The following ZNRF2 variants were observed in gnomAD, a reference collection of about 807,000 sequenced individuals.
ZNRF2 encodes the protein E3 ubiquitin-protein ligase ZNRF2.
In ZNRF2, 16 loss-of-function variants were observed where a neutral mutation model predicts 20.4. That is an observed-to-expected ratio of 0.79 (90% CI 0.53 to 1.19). The LOEUF (loss-of-function observed/expected upper bound fraction) is 1.19, where lower values mean the gene tolerates loss of function less well. ZNRF2 is among the 50% of genes most tolerant of loss of function. The probability of loss-of-function intolerance (pLI) is 0.00; values close to 1 mark genes in which losing one functional copy is unlikely to be tolerated. For synonymous variants in ZNRF2, 178 were observed against 144.9 expected (o/e 1.23, Z -1.64); for missense variants, 363 against 332.4 (o/e 1.09, Z -0.72).
chr7:30,295,555 C>T (rs879174810), intron 1 of ZNRF2, among the ~76,000 whole-genome samples: 1 of 152,086 alleles, frequency 6.6e-6, no homozygotes, highest in Non-Finnish European at 1.5e-5. Context: ...ACCAAAAATA[C>T]AAAAATTAGC....
Position 30,315,029 on chromosome 7 carries a change from G to A in ZNRF2, c.470-8613G>A, listed in dbSNP as rs1799348363. On this transcript the variant is annotated intron_variant, in intron 1 of 4. Coordinates refer to ENST00000323037, the MANE Select transcript of ZNRF2 (RefSeq NM_147128.4). Reference sequence around the variant, plus strand: ...GATGGGGTTTCACCATGTTAGCCAGGATGGTCTCGATCTCCTGACATTGTG... The same window carrying A: ...GATGGGGTTTCACCATGTTAGCCAGAATGGTCTCGATCTCCTGACATTGTG... Among the ~76,000 whole-genome samples the A allele has an allele frequency of 2.6e-5, 4 of 152,032 alleles. No individual in the cohort carries two copies. In the South Asian group the frequency reaches 8.3e-4, roughly 32 times the overall value.
chr7:30,286,587 A>AT (rs1235670751), intron 1 of ZNRF2, among the ~76,000 whole-genome samples: 1 of 152,226 alleles, frequency 6.6e-6, no homozygotes, highest in Non-Finnish European at 1.5e-5. Context: ...AAAAATGGAC[A>AT]TTTTTAATAG....
intron 1 of ZNRF2, among the ~76,000 whole-genome samples, chr7:30,319,475 T>C (rs1254546451): frequency 6.6e-6 from 1 of 152,216 alleles, no homozygotes; most frequent in Non-Finnish European, 1.5e-5. Context: ...TCACCTAGTC[T>C]GTATGTAATA....
chr7:30,343,980 C>T (rs192801788), intron 2 of ZNRF2, among the ~76,000 whole-genome samples: 81 of 139,764 alleles, frequency 5.8e-4, no homozygotes, highest in African/African-American at 2.0e-3. Flanking sequence ...AGTGCAGTGG[C>T]GCGATCTCGG....
At chr7:30,345,050 T>C (rs960020507) in intron 2 of ZNRF2, among the ~76,000 whole-genome samples, 2 of 152,170 alleles carry the variant, frequency 1.3e-5, no homozygotes, top group African/African-American at 4.8e-5. Flanking sequence ...GGGTTGAAAT[T>C]GTGTTGATTT....
At position 30,362,454 on chromosome 7, in the gene ZNRF2, T is replaced by C. The variant is rs74764872; in HGVS notation, c.*20T>C. ...GATTAAGCGTCAGCTTCCTGTTTTA[T>C]AGGTAATTTTTTTTGTAATTACTTT... On this transcript the variant is annotated splice_region_variant and 3_prime_UTR_variant, in exon 4 of 5. Coordinates refer to ENST00000323037, the MANE Select transcript of ZNRF2 (RefSeq NM_147128.4). 1.3e-6 allele frequency: 2 copies of C among 1,584,284 alleles called. No homozygotes were observed. Among genetic ancestry groups the C allele is most frequent in the East Asian group, 4.5e-5 (2 of 44,572 alleles).
intron 2 of ZNRF2, among the ~76,000 whole-genome samples, chr7:30,329,273 ATTTC>A (rs1161147548): frequency 1.3e-5 from 2 of 152,180 alleles, no homozygotes; most frequent in Non-Finnish European, 2.9e-5. Flanking sequence ...AGCATTTATA[ATTTC>A]TTTGTATTAG....
chr7:30,342,522 A>G (rs1372720182), intron 2 of ZNRF2, among the ~76,000 whole-genome samples: 1 of 152,150 alleles, frequency 6.6e-6, no homozygotes, highest in Non-Finnish European at 1.5e-5. Context: ...TCTGGGTTGA[A>G]ATTCTTTAAG....
intron 2 of ZNRF2, among the ~76,000 whole-genome samples, chr7:30,350,184 TAG>T (rs1164566300): frequency 6.6e-6 from 1 of 152,048 alleles, no homozygotes; most frequent in African/African-American, 2.4e-5. Context: ...TTGTAGCTTT[TAG>T]AGTTTGTGAT....
chr7:30,367,296 A>G lies in ZNRF2; in HGVS notation c.*1284A>G, dbSNP rs1051370155. 1.3e-5 allele frequency: 2 copies of G among 152,518 alleles called. No homozygotes were observed. The highest frequency in any genetic ancestry group is 4.8e-5 in the African/African-American group (2 of 41,448). The allele number at this position is 152,518 out of a possible 1,614,324, so 9.4% of individuals were successfully genotyped here. A position where few individuals can be genotyped will look rare whatever the true frequency, so the allele number is the denominator to read the frequency against. ...AAATTATGTTAATAAATATTCCCAC[A>G]TAATACATCTGAATGGTTAAAAATA... On this transcript the variant is annotated 3_prime_UTR_variant, in exon 5 of 5. Transcript: ENST00000323037.
chr7:30,355,350 G>A (rs184598326), intron 2 of ZNRF2, among the ~76,000 whole-genome samples: 47 of 151,512 alleles, frequency 3.1e-4, no homozygotes, highest in Middle Eastern at 6.8e-3. Flanking sequence ...TGTCTTTTTA[G>A]CCACATTACA....
chr7:30,285,197 C>A lies in ZNRF2; in HGVS notation c.-161C>A. 2.1e-6 allele frequency: 1 copy of A among 473,016 alleles called. No homozygotes were observed. The highest frequency in any genetic ancestry group is 3.4e-6 in the Non-Finnish European group (1 of 293,086). 29.3% of individuals were successfully genotyped at this position (473,016 alleles called of 1,614,324 possible). A position where few individuals can be genotyped will look rare whatever the true frequency, so the allele number is the denominator to read the frequency against. On this transcript the variant is annotated 5_prime_UTR_variant, in exon 1 of 5. Transcript: ENST00000323037. ...GCCGCCCCAAGAAGAGCGCGCCGGG[C>A]GCCGACTGCCCCTCTGGACGCCGGG...
At chr7:30,356,880 T>C (rs1472700782) in intron 3 of ZNRF2, among the ~76,000 whole-genome samples, 1 of 152,034 alleles carries the variant, frequency 6.6e-6, no homozygotes, top group Non-Finnish European at 1.5e-5. Context: ...TAATTTTTTA[T>C]ATTTTTAGTA....
intron 2 of ZNRF2, among the ~76,000 whole-genome samples, chr7:30,335,121 T>G (rs1799696953): frequency 1.3e-5 from 2 of 152,184 alleles, no homozygotes; most frequent in African/African-American, 2.4e-5. Flanking sequence ...CTGATTTCAT[T>G]AATAACGTTT....
chr7:30,292,873 T>A (rs1209392779), intron 1 of ZNRF2, among the ~76,000 whole-genome samples: 4 of 152,164 alleles, frequency 2.6e-5, no homozygotes, highest in African/African-American at 9.7e-5. Flanking sequence ...ACCACTGACC[T>A]GTGGTTTGCG....
chr7:30,300,136 A>G (rs1799088435), intron 1 of ZNRF2, among the ~76,000 whole-genome samples: 1 of 147,916 alleles, frequency 6.8e-6, no homozygotes, highest in South Asian at 2.1e-4. Flanking sequence ...ATGGGAAAAC[A>G]TGAATACAAG....
chr7:30,360,567 C>G lies in ZNRF2; in HGVS notation c.672-1810C>G, dbSNP rs192083729. 8.6e-5 allele frequency among the ~76,000 whole-genome samples: 13 copies of G among 151,990 alleles called. No homozygotes were observed. In the East Asian group the frequency reaches 2.5e-3, roughly 29 times the overall value. ...TAGCTGGGTTTGTGGCAGGTGGCGC[C>G]TGTAATCCCAGCTACCCAGGAGGCT... On this transcript the variant is annotated intron_variant, in intron 3 of 4. Coordinates refer to ENST00000323037, the MANE Select transcript of ZNRF2 (RefSeq NM_147128.4).
intron 1 of ZNRF2, among the ~76,000 whole-genome samples, chr7:30,315,360 G>A (rs145455511): frequency 7.6e-4 from 115 of 152,214 alleles, no homozygotes; most frequent in African/African-American, 2.7e-3. Context: ...ATTGTAAATC[G>A]TTTAATTGGT....
At chr7:30,342,573 G>A (rs182835766) in intron 2 of ZNRF2, among the ~76,000 whole-genome samples, 2 of 152,220 alleles carry the variant, frequency 1.3e-5, no homozygotes, top group Non-Finnish European at 2.9e-5. Flanking sequence ...GGCTTGTAGG[G>A]TTTCTGCAGA....
Sources: gnomAD v4.1 joint callset for allele counts (sites outside exome capture counted in the v4.1 genomes callset) on GRCh38, gnomAD v4.1.1 for gene constraint, MANE v1.5 for transcripts, NCBI Gene and HGNC (gene_info 2026-07-23, HGNC 2026-07-21) for gene names.